Variants in ALG14 observed in about 807,000 individuals in gnomAD.
ALG14 encodes the protein ALG14 UDP-N-acetylglucosaminyltransferase subunit.
ALG14 carries 17 observed loss-of-function variants against 22.8 expected under a neutral mutation model. The observed-to-expected ratio is 0.75, with a 90% CI of 0.51 to 1.12. The LOEUF (loss-of-function observed/expected upper bound fraction) is 1.12, where lower values mean the gene tolerates loss of function less well. ALG14 is among the 50% of genes most tolerant of loss of function. The pLI, the probability that ALG14 is intolerant of heterozygous loss-of-function variation, is 0.00. For synonymous variants in ALG14, 89 were observed against 103.7 expected, an observed-to-expected ratio of 0.86 and a Z score of 0.86; for missense variants, 288 against 271.8, an observed-to-expected ratio of 1.06 and a Z score of -0.42.
Position 94,976,442 on chromosome 1 carries a change from C to T in ALG14, c.*6634G>A, listed in dbSNP as rs1672398862. 6.6e-6 allele frequency: 1 copy of T among 152,156 alleles called. No homozygotes were observed. The highest frequency in any genetic ancestry group is 1.5e-5 in the Non-Finnish European group (1 of 68,052). The allele number at this position is 152,156 out of a possible 1,614,324, so 9.4% of individuals were successfully genotyped here. ...GCATGGTGGCTGACGCCTGTAATTCCAGCACTTTGGGAAGCCGAGGTGGGC... is the reference window on the plus strand; with the variant it reads ...GCATGGTGGCTGACGCCTGTAATTCTAGCACTTTGGGAAGCCGAGGTGGGC... On this transcript the variant is annotated 3_prime_UTR_variant, in exon 4 of 4. Coordinates refer to ENST00000370205, the MANE Select transcript of ALG14 (RefSeq NM_144988.4).
intron 2 of ALG14, among the ~76,000 whole-genome samples, chr1:95,036,964 G>A (rs1674220929): frequency 6.6e-6 from 1 of 152,128 alleles, no homozygotes; most frequent in African/African-American, 2.4e-5. Flanking sequence ...AGAGAAATGA[G>A]GCTGCACTCC....
At position 95,012,734 on chromosome 1, in the gene ALG14, AC is replaced by A. The variant is rs774772064; in HGVS notation, c.420+14394del. Among the ~76,000 whole-genome samples, 3 of 152,116 alleles carry A rather than the reference AC, an allele frequency of 2.0e-5. No homozygotes were observed. The East Asian group carries it at 5.8e-4, about 29-fold the overall frequency. ...TCATGTTAGAATCAGTGAATCAGAG[AC>A]TCTTGGAGCTGGAAAGAAATTATAA... is the stretch of plus-strand genomic sequence containing the variant. On this transcript the variant is annotated intron_variant, in intron 3 of 3. Transcript: ENST00000370205.
At chr1:95,011,041 G>C (rs145577355) in intron 3 of ALG14, among the ~76,000 whole-genome samples, 1 of 152,248 alleles carries the variant, frequency 6.6e-6, no homozygotes, top group Admixed American at 6.5e-5. Context: ...ACTATAATCA[G>C]AAAGTCAACT....
intron 3 of ALG14, among the ~76,000 whole-genome samples, chr1:94,989,785 C>G (rs1231882968): frequency 6.6e-6 from 1 of 152,224 alleles, no homozygotes; most frequent in Non-Finnish European, 1.5e-5. Context: ...TCCAAGAGTT[C>G]TCAATAGCCT....
chr1:95,017,043 C>T (rs992159180), intron 3 of ALG14, among the ~76,000 whole-genome samples: 4 of 150,168 alleles, frequency 2.7e-5, no homozygotes, highest in African/African-American at 9.8e-5. Context: ...CCAATACTGA[C>T]CAACTATGTG....
chr1:95,026,442 T>C (rs1406074884), intron 3 of ALG14, among the ~76,000 whole-genome samples: 1 of 150,328 alleles, frequency 6.7e-6, no homozygotes, highest in Non-Finnish European at 1.5e-5. Flanking sequence ...TTGTGTCTCA[T>C]AGACAGGGAA....
intron 2 of ALG14, among the ~76,000 whole-genome samples, chr1:95,060,718 A>T (rs1229000693): frequency 9.9e-5 from 15 of 152,124 alleles, no homozygotes; most frequent in Non-Finnish European, 2.2e-4. Context: ...TCTGTTTAAA[A>T]AAAAAACAAC....
chr1:95,043,820 A>G (rs1175780851), intron 2 of ALG14, among the ~76,000 whole-genome samples: 1 of 150,836 alleles, frequency 6.6e-6, no homozygotes, highest in African/African-American at 2.4e-5. Context: ...AAGAGAGAGG[A>G]GAGGAAGAAG....
At chr1:95,005,419 CTATGACCT>C (rs148865261) in intron 3 of ALG14, among the ~76,000 whole-genome samples, 2 of 151,998 alleles carry the variant, frequency 1.3e-5, no homozygotes, top group African/African-American at 4.8e-5. Context: ...ACGAAATGGT[CTATGACCT>C]ACTGGTCACA....
chr1:94,993,352 T>C (rs1051729811), intron 3 of ALG14, among the ~76,000 whole-genome samples: 1 of 146,552 alleles, frequency 6.8e-6, no homozygotes, highest in Non-Finnish European at 1.5e-5. Context: ...TTTATATTTA[T>C]ATATAGATAT....
At chr1:95,033,378 A>AATACATAC (rs539539567) in intron 2 of ALG14, among the ~76,000 whole-genome samples, 36 of 148,838 alleles carry the variant, frequency 2.4e-4, no homozygotes, top group African/African-American at 8.7e-4. Context: ...GGGGCTGAGA[A>AATACATAC]ATACATACAT....
Position 95,027,112 on chromosome 1 carries a change from G to C in ALG14, c.420+17C>G. On this transcript the variant is annotated intron_variant, in intron 3 of 3. Transcript: ENST00000370205. The stretch of plus-strand genomic sequence containing the variant: ...CAGGGAGTTACTTTCTCTCTCCTTA[G>C]TGATGGTCTTACTTACCAAATCTGG... 1 of 1,613,624 alleles carries C rather than the reference G, an allele frequency of 6.2e-7. No homozygotes were observed.
At chr1:95,012,747 G>T (rs1673401807) in intron 3 of ALG14, among the ~76,000 whole-genome samples, 1 of 152,152 alleles carries the variant, frequency 6.6e-6, no homozygotes, top group Non-Finnish European at 1.5e-5. Flanking sequence ...CTTGGAGCTG[G>T]AAAGAAATTA....
intron 2 of ALG14, among the ~76,000 whole-genome samples, chr1:95,032,441 GC>G (rs1674040471): frequency 6.6e-6 from 1 of 152,122 alleles, no homozygotes; most frequent in Non-Finnish European, 1.5e-5. Flanking sequence ...AAGCTAGAAG[GC>G]ACCAAACCCC....
At chr1:95,064,000 C>A (rs756905765) in intron 2 of ALG14, among the ~76,000 whole-genome samples, 1 of 152,120 alleles carries the variant, frequency 6.6e-6, no homozygotes, top group Non-Finnish European at 1.5e-5. Flanking sequence ...CCTTCACTTC[C>A]CTTGTTAGCT....
intron 2 of ALG14, among the ~76,000 whole-genome samples, chr1:95,060,139 C>A (rs1238999847): frequency 1.7e-4 from 1 of 5,810 alleles, no homozygotes; most frequent in Non-Finnish European, 4.5e-4. Flanking sequence ...AACACACACA[C>A]ACACACACAC....
At chr1:95,071,273 G>A (rs774023973) in intron 1 of ALG14, among the ~76,000 whole-genome samples, 10 of 152,256 alleles carry the variant, frequency 6.6e-5, no homozygotes, top group Admixed American at 5.9e-4. Context: ...TTAGGCCAGG[G>A]GTGGCTCACG....
intron 2 of ALG14, among the ~76,000 whole-genome samples, chr1:95,053,292 T>C (rs1454996578): frequency 6.6e-6 from 1 of 152,146 alleles, no homozygotes; most frequent in Non-Finnish European, 1.5e-5. Flanking sequence ...AAAAAAAGCA[T>C]TATTAGGGAT....
In ALG14 at chr1:94,983,273, T is replaced by C. The variant is rs1434287085; in HGVS notation, c.454A>G (p.Ile152Val). The C allele has an allele frequency of 1.2e-6, 2 of 1,614,134 alleles. No homozygotes were observed. Among genetic ancestry groups the C allele is most frequent in the Non-Finnish European group, 1.7e-6 (2 of 1,180,012 alleles). ...CCAAGGAGAAGGGCAGATACACAGA[T>C]AGGAACACATGTTCCTGGTCCGTTA... ...LCNGPGTCVPICVSALLLGIL... is the reference protein window; with the variant it reads ...LCNGPGTCVPVCVSALLLGIL... Residue 152 changes from isoleucine (I) to valine (V), a missense_variant, in exon 4 of 4, where the codon ATC (isoleucine) becomes GTC (valine). Ile to Val is a conservative substitution (Grantham distance 29). Transcript: ENST00000370205.
Sources: gnomAD v4.1 joint callset for allele counts (sites outside exome capture counted in the v4.1 genomes callset) on GRCh38, gnomAD v4.1.1 for gene constraint, MANE v1.5 for transcripts, NCBI Gene and HGNC (gene_info 2026-07-23, HGNC 2026-07-21) for gene names.